Variants in SLC16A9 observed in about 807,000 individuals in gnomAD.
SLC16A9 encodes monocarboxylate transporter 9.
A neutral mutation model predicts 44.3 loss-of-function variants in SLC16A9; 26 were observed. That is an observed-to-expected ratio of 0.59 (90% CI 0.43 to 0.81). The LOEUF (loss-of-function observed/expected upper bound fraction) is 0.81. SLC16A9 is among the 40% of genes least tolerant of loss of function. SLC16A9 has a pLI of 0.00. For synonymous variants in SLC16A9, 230 were observed against 225.1 expected (o/e 1.02, Z -0.19); for missense variants, 559 against 595.8 (o/e 0.94, Z 0.64).
At chr10:59,698,221 TA>T (rs960828229) in intron 1 of SLC16A9, among the ~76,000 whole-genome samples, 6 of 152,178 alleles carry the variant, frequency 3.9e-5, no homozygotes, top group African/African-American at 7.2e-5. Context: ...TTAGAACACT[TA>T]AACAAAACTT....
In SLC16A9 at chr10:59,652,485, G is replaced by A. The variant is rs955015849; in HGVS notation, c.*287C>T. 1 of 235,768 alleles carries A rather than the reference G, an allele frequency of 4.2e-6. No individual in the cohort carries two copies. The highest frequency in any genetic ancestry group is 8.1e-6 in the Non-Finnish European group (1 of 123,724). The allele number at this position is 235,768 out of a possible 1,614,324, so 14.6% of individuals were successfully genotyped here. Reference sequence around the variant, plus strand: ...TCTTTACACAGAGAAAGCCTTCTGAGGCTGGTCAAACTTTTTACAATGTTA... The same window carrying A: ...TCTTTACACAGAGAAAGCCTTCTGAAGCTGGTCAAACTTTTTACAATGTTA... On this transcript the variant is annotated 3_prime_UTR_variant, in exon 6 of 6. Coordinates refer to ENST00000395348, the MANE Select transcript of SLC16A9 (RefSeq NM_194298.3).
intron 1 of SLC16A9, among the ~76,000 whole-genome samples, chr10:59,698,281 T>C (rs934370923): frequency 2.6e-5 from 4 of 152,042 alleles, no homozygotes; most frequent in African/African-American, 9.7e-5. Context: ...AGAATATGAC[T>C]TTTTTTTCCT....
At chr10:59,683,434 A>G (rs908653871) in intron 2 of SLC16A9, among the ~76,000 whole-genome samples, 1 of 152,210 alleles carries the variant, frequency 6.6e-6, no homozygotes, top group Non-Finnish European at 1.5e-5. Context: ...CAAGAATATC[A>G]CTTTTGGAGA....
At position 59,651,333 on chromosome 10, in the gene SLC16A9, C is replaced by T. The variant is rs1282769954; in HGVS notation, c.*1439G>A. Reference sequence around the variant, plus strand: ...TTTTGGCACAATGGGAAGGGTGCCTCCTATTTAAAGAACACTTGGCTATTG... The same window carrying T: ...TTTTGGCACAATGGGAAGGGTGCCTTCTATTTAAAGAACACTTGGCTATTG... On this transcript the variant is annotated 3_prime_UTR_variant, in exon 6 of 6. Transcript: ENST00000395348. 6.6e-6 allele frequency: 1 copy of T among 152,116 alleles called. No individual in the cohort carries two copies. The highest frequency in any genetic ancestry group is 1.5e-5 in the Non-Finnish European group (1 of 68,018). 9.4% of individuals were successfully genotyped at this position (152,116 alleles called of 1,614,324 possible).
chr10:59,676,066 T>C (rs1029498142), intron 2 of SLC16A9, among the ~76,000 whole-genome samples: 4 of 152,242 alleles, frequency 2.6e-5, no homozygotes, highest in Admixed American at 6.5e-5. Flanking sequence ...TGCAGACCTG[T>C]ATGGATTCAC....
At chr10:59,696,314 T>C (rs1231087112) in intron 1 of SLC16A9, among the ~76,000 whole-genome samples, 8 of 152,240 alleles carry the variant, frequency 5.3e-5, no homozygotes, top group East Asian at 3.9e-4. Context: ...CTGTGTTGGC[T>C]GGGCTGGTTT....
intron 1 of SLC16A9, among the ~76,000 whole-genome samples, chr10:59,697,333 C>T (rs991250997): frequency 1.3e-5 from 2 of 150,246 alleles, no homozygotes; most frequent in Non-Finnish European, 3.0e-5. Flanking sequence ...GGATGGCTGC[C>T]GTGTCTGTGT....
intron 2 of SLC16A9, among the ~76,000 whole-genome samples, chr10:59,675,492 G>C (rs1364933442): frequency 6.6e-6 from 1 of 152,166 alleles, no homozygotes; most frequent in African/African-American, 2.4e-5. Flanking sequence ...TTTCTGAAAT[G>C]ATAATTGGCC....
intron 4 of SLC16A9, among the ~76,000 whole-genome samples, chr10:59,655,842 G>A (rs1280559333): frequency 1.3e-5 from 2 of 152,176 alleles, no homozygotes; most frequent in Non-Finnish European, 2.9e-5. Flanking sequence ...AATCTCATCA[G>A]GATGCCAATA....
intron 4 of SLC16A9, among the ~76,000 whole-genome samples, chr10:59,656,203 A>G (rs1376261716): frequency 6.6e-6 from 1 of 152,200 alleles, no homozygotes; most frequent in Non-Finnish European, 1.5e-5. Flanking sequence ...ATATACTGTA[A>G]AAGTTAAAAA....
chr10:59,664,279 C>T lies in SLC16A9; in HGVS notation c.384G>A (p.Thr128=), dbSNP rs2306162. The T allele has an allele frequency of 1.1e-4, 185 of 1,612,406 alleles. No homozygotes were observed. Among genetic ancestry groups the T allele is most frequent in the East Asian group, 1.1e-3 (48 of 44,824 alleles). Residue 128 remains threonine, a synonymous_variant, in exon 4 of 6, where the codon ACG becomes ACA. Coordinates refer to ENST00000395348, the MANE Select transcript of SLC16A9 (RefSeq NM_194298.3). Reference sequence around the variant, plus strand: ...CTCGGCGATCGTCAAAATACTGGCACGTAATGGTCACTGTTGCAGTGTATA... The same window carrying T: ...CTCGGCGATCGTCAAAATACTGGCATGTAATGGTCACTGTTGCAGTGTATA... ...GLLYTATVTI[T]CQYFDDRRGL...
chr10:59,706,240 C>CA (rs1170192555), intron 1 of SLC16A9, among the ~76,000 whole-genome samples: 1 of 151,944 alleles, frequency 6.6e-6, no homozygotes, highest in Non-Finnish European at 1.5e-5. Flanking sequence ...CATTTGGAGG[C>CA]AGGGACCATG....
Position 59,654,135 on chromosome 10 carries a change from A to G in SLC16A9, c.891T>C (p.Thr297=). ...WQLYKNYCGE[T]VALFKNKVFS... Reference sequence around the variant, plus strand: ...ATACTTTGTTTTTAAAAAGAGCCACAGTTTCACCACAGTAGTTTTTATATA... The same window carrying G: ...ATACTTTGTTTTTAAAAAGAGCCACGGTTTCACCACAGTAGTTTTTATATA... Residue 297 remains threonine, a synonymous_variant, in exon 5 of 6, where the codon ACT becomes ACC. Coordinates refer to ENST00000395348, the MANE Select transcript of SLC16A9 (RefSeq NM_194298.3). 1 of 1,614,178 alleles carries G rather than the reference A, an allele frequency of 6.2e-7. No individual in the cohort carries two copies. The highest frequency in any genetic ancestry group is 8.5e-7 in the Non-Finnish European group (1 of 1,180,038).
Position 59,684,320 on chromosome 10 carries a change from T to C in SLC16A9, c.-29A>G. ...AAGACAAAATCAGGAGGCGTTTCTC[T>C]GCAGGTCCTAAACAAAAACAAACAG... On this transcript the variant is annotated 5_prime_UTR_variant, in exon 2 of 6. Coordinates refer to ENST00000395348, the MANE Select transcript of SLC16A9 (RefSeq NM_194298.3). The C allele has an allele frequency of 6.3e-7, 1 of 1,594,038 alleles. No homozygotes were observed. Among genetic ancestry groups the C allele is most frequent in the Non-Finnish European group, 8.6e-7 (1 of 1,165,966 alleles).
chr10:59,685,022 G>A (rs867915487), intron 1 of SLC16A9, among the ~76,000 whole-genome samples: 1 of 152,178 alleles, frequency 6.6e-6, no homozygotes, highest in African/African-American at 2.4e-5. Flanking sequence ...GCCTGGAATG[G>A]AACTGGCAGC....
At chr10:59,668,135 A>C (rs1839664321) in intron 3 of SLC16A9, among the ~76,000 whole-genome samples, 1 of 151,374 alleles carries the variant, frequency 6.6e-6, no homozygotes, top group Non-Finnish European at 1.5e-5. Flanking sequence ...TACTTTTCCC[A>C]CCAATCTGTC....
rs1840129992 is a variant in SLC16A9, at chr10:59,686,189, C to CGG, written c.-36-1863_-36-1862insCC. Reference sequence around the variant, plus strand: ...TCTGTCTATTCACACATCATTACCACATTTGTTTCATCACAGAATCTTTTT... The same window carrying CGG: ...TCTGTCTATTCACACATCATTACCACGGATTTGTTTCATCACAGAATCTTTTT... On this transcript the variant is annotated intron_variant, in intron 1 of 5. Coordinates refer to ENST00000395348, the MANE Select transcript of SLC16A9 (RefSeq NM_194298.3). Among the ~76,000 whole-genome samples, 3 of 152,178 alleles carry CGG rather than the reference C, an allele frequency of 2.0e-5. No homozygotes were observed. The South Asian group carries it at 6.2e-4, about 31-fold the overall frequency.
intron 4 of SLC16A9, among the ~76,000 whole-genome samples, chr10:59,662,644 A>AAAAAAAAG (rs1554867779): frequency 2.1e-5 from 3 of 144,278 alleles, no homozygotes; most frequent in African/African-American, 8.3e-5. Flanking sequence ...AAAAAAAAAA[A>AAAAAAAAG]AAAAAAAAAG....
rs149299638 is a variant in SLC16A9, at chr10:59,698,565, G to A, written c.-37+10914C>T. Among the ~76,000 whole-genome samples the A allele has an allele frequency of 2.5e-3, 388 of 152,212 alleles. 3 individuals are homozygous for A. The highest frequency in any genetic ancestry group is 8.9e-3 in the African/African-American group (369 of 41,510). ...CTTTCCCATTGTCCCAAATAGCCAA[G>A]CACAGGTTCAACCACCCCAAATGCC... On this transcript the variant is annotated intron_variant, in intron 1 of 5. Transcript: ENST00000395348.
Sources: allele counts gnomAD v4.1 joint callset (sites outside exome capture counted in the v4.1 genomes callset), GRCh38; gene constraint gnomAD v4.1.1; transcripts MANE v1.5; gene names NCBI Gene and HGNC (gene_info 2026-07-23, HGNC 2026-07-21).